Variants in AFF3 observed in about 807,000 individuals in gnomAD.
The protein encoded by AFF3 is AF4/FMR2 family member 3.
Under a neutral mutation model 129.7 loss-of-function variants are expected in AFF3, and 32 were observed. The ratio of observed to expected loss-of-function variants is 0.25; its 90% CI spans 0.19 to 0.33. The LOEUF (loss-of-function observed/expected upper bound fraction) is 0.33, where lower values mean the gene tolerates loss of function less well. AFF3 is among the 10% of genes least tolerant of loss of function. The pLI is 1.00. For missense variants in AFF3, 1,373 were observed against 1,592.0 expected (o/e 0.86, Z 2.34); for synonymous variants, 644 against 635.4 (o/e 1.01, Z -0.20).
intron 4 of AFF3, among the ~76,000 whole-genome samples, chr2:100,034,998 G>A (rs1183580165): frequency 6.6e-6 from 1 of 152,152 alleles, no homozygotes; most frequent in Non-Finnish European, 1.5e-5. Flanking sequence ...CATGTCCCCA[G>A]ACTTCAGCTC....
At chr2:99,950,780 TTA>T (rs1250215280) in intron 7 of AFF3, among the ~76,000 whole-genome samples, 1 of 152,220 alleles carries the variant, frequency 6.6e-6, no homozygotes, top group African/African-American at 2.4e-5. Context: ...TGTGTATTAT[TTA>T]TGTTTCTTGC....
intron 11 of AFF3, among the ~76,000 whole-genome samples, chr2:99,715,575 T>C (rs1678298487): frequency 6.6e-6 from 1 of 152,172 alleles, no homozygotes. Flanking sequence ...ACTGTACACC[T>C]GGCTGGATCA....
Position 100,003,316 on chromosome 2 carries a change from G to A in AFF3, c.873+3316C>T, listed in dbSNP as rs925303217. On this transcript the variant is annotated intron_variant, in intron 7 of 24. Coordinates refer to ENST00000672756, the MANE Select transcript of AFF3 (RefSeq NM_001386135.1). Reference sequence around the variant, plus strand: ...TGCTGAGCACAAAATATTAATTTGCGTGTGTGTGTGAACAAAAAATAATTC... The same window carrying A: ...TGCTGAGCACAAAATATTAATTTGCATGTGTGTGTGAACAAAAAATAATTC... Among the ~76,000 whole-genome samples, 3 of 152,054 alleles carry A rather than the reference G, an allele frequency of 2.0e-5. No individual in the cohort carries two copies. The East Asian group carries it at 5.8e-4, about 29-fold the overall frequency.
intron 4 of AFF3, among the ~76,000 whole-genome samples, chr2:100,011,024 C>T (rs2104770577): frequency 6.6e-6 from 1 of 152,278 alleles, no homozygotes; most frequent in South Asian, 2.1e-4. Context: ...CCTGTAATCC[C>T]AGCACTTTGG....
Position 99,601,510 on chromosome 2 carries a change from G to A in AFF3, c.1296C>T (p.Ser432=), listed in dbSNP as rs377346147. Reference sequence around the variant, plus strand: ...TGCTCTCGGTCTCCGAGTCAGATCCGGAGCTGCTCTCTGAGTCGCTGGAGG... The same window carrying A: ...TGCTCTCGGTCTCCGAGTCAGATCCAGAGCTGCTCTCTGAGTCGCTGGAGG... The part of the protein sequence containing the change: ...SSSSSDSESS[S]GSDSETESSS... The change falls in exon 14 of 25, where the codon TCC becomes TCT. Residue 432 remains serine, a synonymous_variant. Coordinates refer to ENST00000672756, the MANE Select transcript of AFF3 (RefSeq NM_001386135.1). 37 of 1,606,602 alleles carry A rather than the reference G, an allele frequency of 2.3e-5. No individual in the cohort carries two copies. The highest frequency in any genetic ancestry group is 8.9e-5 in the South Asian group (8 of 89,544).
intron 13 of AFF3, among the ~76,000 whole-genome samples, chr2:99,626,923 C>T (rs771560232): frequency 4.6e-5 from 7 of 151,954 alleles, no homozygotes; most frequent in Non-Finnish European, 8.8e-5. Context: ...TTTTTATGGC[C>T]GCATAGTAGC....
chr2:99,547,674 C>G lies in AFF3; in HGVS notation c.*3800G>C. ...CTGCACTTCCAAGTTGATGCGAACA[C>G]GCAGTGACTCATACTCAATATTAGG... is the stretch of plus-strand genomic sequence containing the variant. On this transcript the variant is annotated 3_prime_UTR_variant, in exon 25 of 25. Transcript: ENST00000672756. The G allele has an allele frequency of 4.8e-6, 1 of 210,282 alleles. No homozygotes were observed. Among genetic ancestry groups the G allele is most frequent in the Non-Finnish European group, 9.7e-6 (1 of 103,566 alleles). The allele number at this position is 210,282 out of a possible 1,614,324, so 13.0% of individuals were successfully genotyped here.
chr2:99,998,268 G>A (rs907093591), intron 7 of AFF3, among the ~76,000 whole-genome samples: 3 of 152,158 alleles, frequency 2.0e-5, no homozygotes, highest in Non-Finnish European at 4.4e-5. Context: ...AGTTATAGAT[G>A]GGTTGATTTG....
rs139619102 is a variant in AFF3 at position 99,630,259 on chromosome 2, G to A, written c.1184+19367C>T. Among the ~76,000 whole-genome samples, 29 of 152,330 alleles carry A rather than the reference G, an allele frequency of 1.9e-4. No individual in the cohort carries two copies. In the East Asian group the frequency reaches 5.6e-3, roughly 29 times the overall value. On this transcript the variant is annotated intron_variant, in intron 13 of 24. Coordinates refer to ENST00000672756, the MANE Select transcript of AFF3 (RefSeq NM_001386135.1). ...GCGCTGCATGAAGCTTGCAAAGGGG[G>A]AGGTTAACACGGAAATGTTAAATAC... is the stretch of plus-strand genomic sequence containing the variant.
chr2:99,553,282 T>A (rs572072923), intron 24 of AFF3, among the ~76,000 whole-genome samples: 2 of 152,182 alleles, frequency 1.3e-5, no homozygotes, highest in African/African-American at 4.8e-5. Context: ...CTGACCCCCA[T>A]GGCATTCTCA....
chr2:100,033,494 A>G (rs1684678095), intron 4 of AFF3, among the ~76,000 whole-genome samples: 2 of 152,236 alleles, frequency 1.3e-5, no homozygotes, highest in African/African-American at 4.8e-5. Flanking sequence ...ACCATTTACC[A>G]GATGGTAAAT....
chr2:100,011,056 C>T (rs1457501000), intron 4 of AFF3, among the ~76,000 whole-genome samples: 8 of 152,194 alleles, frequency 5.3e-5, no homozygotes, highest in East Asian at 1.9e-4. Context: ...GGGTGGATCA[C>T]GAGGTCAGGA....
chr2:99,856,522 A>T (rs901520911), intron 7 of AFF3, among the ~76,000 whole-genome samples: 2 of 152,204 alleles, frequency 1.3e-5, no homozygotes, highest in Non-Finnish European at 2.9e-5. Context: ...CAAAAGTTTT[A>T]AAAAGAGTAC....
chr2:99,840,838 G>C (rs1281002724), intron 7 of AFF3, among the ~76,000 whole-genome samples: 1 of 152,188 alleles, frequency 6.6e-6, no homozygotes, highest in East Asian at 1.9e-4. Context: ...TGGTCACTTG[G>C]AAGGATTTCC....
At chr2:99,665,930 T>C (rs1355945974) in intron 12 of AFF3, among the ~76,000 whole-genome samples, 3 of 152,196 alleles carry the variant, frequency 2.0e-5, no homozygotes, top group Non-Finnish European at 4.4e-5. Flanking sequence ...AAGAGCCCAG[T>C]ATAATTGGCT....
intron 7 of AFF3, among the ~76,000 whole-genome samples, chr2:99,871,045 T>C (rs1404165628): frequency 6.6e-6 from 1 of 152,198 alleles, no homozygotes; most frequent in Admixed American, 6.5e-5. Context: ...AACACCAACA[T>C]GACACACAAG....
intron 4 of AFF3, among the ~76,000 whole-genome samples, chr2:100,045,653 C>T (rs112742518): frequency 6.6e-5 from 10 of 152,008 alleles, no homozygotes; most frequent in African/African-American, 2.4e-4. Context: ...CCACCTCTGC[C>T]AGTCCTGAGA....
At chr2:99,808,926 C>G (rs921710338) in intron 8 of AFF3, among the ~76,000 whole-genome samples, 2 of 152,172 alleles carry the variant, frequency 1.3e-5, no homozygotes, top group African/African-American at 4.8e-5. Context: ...TACTTAATGA[C>G]TACTCAGTGA....
Position 99,702,804 on chromosome 2 carries a change from A to G in AFF3, c.1091+24273T>C, listed in dbSNP as rs538461195. On this transcript the variant is annotated intron_variant, in intron 11 of 24. Coordinates refer to ENST00000672756, the MANE Select transcript of AFF3 (RefSeq NM_001386135.1). The stretch of plus-strand genomic sequence containing the variant: ...TCTGGGAGTTCTTTATATATTCCAC[A>G]TACAAGCCCTTTGTTGAATATGTGG... Among the ~76,000 whole-genome samples the G allele has an allele frequency of 3.7e-4, 56 of 152,354 alleles. 1 individual carries two copies. The South Asian group carries it at 0.011, about 31-fold the overall frequency.
Sources: gnomAD v4.1 joint callset for allele counts (sites outside exome capture counted in the v4.1 genomes callset) on GRCh38, gnomAD v4.1.1 for gene constraint, MANE v1.5 for transcripts, NCBI Gene and HGNC (gene_info 2026-07-23, HGNC 2026-07-21) for gene names.